RYR2: variants seen among roughly 807,000 people sequenced by gnomAD.
RYR2 encodes the protein ryanodine receptor 2, also known as cardiac muscle ryanodine receptor-calcium release channel.
In RYR2, 227 loss-of-function variants were observed where a neutral mutation model predicts 601.1. That is an observed-to-expected ratio of 0.38 (90% CI 0.34 to 0.42). The LOEUF (loss-of-function observed/expected upper bound fraction) is 0.42. RYR2 is among the 10% of genes least tolerant of loss of function. RYR2 has a pLI of 1.00. For synonymous variants in RYR2, 2,223 were observed against 2,175.1 expected (o/e 1.02, Z -0.61); for missense variants, 4,646 against 6,156.5 (o/e 0.75, Z 8.21).
At chr1:237,427,201 A>G (rs1266036308) in intron 12 of RYR2, among the ~76,000 whole-genome samples, 1 of 152,218 alleles carries the variant, frequency 6.6e-6, no homozygotes, top group Non-Finnish European at 1.5e-5. Flanking sequence ...CTAAAGAGTC[A>G]GAGACATAAA....
At chr1:237,234,883 A>ATT (rs1014101435) in intron 1 of RYR2, among the ~76,000 whole-genome samples, 1 of 146,722 alleles carries the variant, frequency 6.8e-6, no homozygotes, top group African/African-American at 2.5e-5. Flanking sequence ...CAGTTTTGTG[A>ATT]TTTTTTTTTT....
chr1:237,509,061 G>A (rs2150531227), intron 23 of RYR2, among the ~76,000 whole-genome samples: 1 of 152,230 alleles, frequency 6.6e-6, no homozygotes, highest in Non-Finnish European at 1.5e-5. Context: ...AAATATTAAA[G>A]GATAATACAG....
At chr1:237,785,149 TATTAA>T in intron 90 of RYR2, 177 bp downstream of exon 90, 1 of 625,930 alleles carries the variant, frequency 1.6e-6, no homozygotes, top group South Asian at 1.9e-5. Flanking sequence ...CCTTATGAAT[TATTAA>T]ATTATCTTAA....
chr1:237,469,386 T>A (rs1660461190), intron 17 of RYR2, among the ~76,000 whole-genome samples, 199 bp downstream of exon 17: 1 of 151,722 alleles, frequency 6.6e-6, no homozygotes, highest in Admixed American at 6.6e-5. Context: ...TGCACTATGG[T>A]CACTGCACTC....
At chr1:237,592,564 CAG>C (rs1391827487) in intron 32 of RYR2, among the ~76,000 whole-genome samples, 3 of 150,016 alleles carry the variant, frequency 2.0e-5, no homozygotes, top group African/African-American at 7.4e-5. Context: ...ACCCAGGAGA[CAG>C]AGGTTGCAGT....
intron 10 of RYR2, 84 bp downstream of exon 10, chr1:237,388,267 G>A: frequency 9.1e-7 from 1 of 1,103,360 alleles, no homozygotes; most frequent in East Asian, 2.6e-5. Context: ...TATTCATTCA[G>A]GCCAGTAGCA....
intron 56 of RYR2, among the ~76,000 whole-genome samples, chr1:237,666,188 T>G (rs1684312316): frequency 1.3e-5 from 2 of 152,198 alleles, no homozygotes; most frequent in Admixed American, 6.5e-5. Context: ...TAAATTTCAT[T>G]GCAGCCAATT....
chr1:237,687,622 G>T, intron 63 of RYR2, 118 bp downstream of exon 63: 1 of 770,822 alleles, frequency 1.3e-6, no homozygotes, highest in South Asian at 1.5e-5. Context: ...CTGCATGCAT[G>T]GTCGTTGCAG....
chr1:237,787,115 T>C (rs1657684811), intron 91 of RYR2, among the ~76,000 whole-genome samples: 2 of 152,126 alleles, frequency 1.3e-5, no homozygotes, highest in Non-Finnish European at 2.9e-5. Context: ...CAAATGTCAA[T>C]TCTTCTAATT....
intron 25 of RYR2, among the ~76,000 whole-genome samples, chr1:237,531,199 A>T (rs911801981): frequency 1.3e-5 from 2 of 152,182 alleles, no homozygotes; most frequent in African/African-American, 4.8e-5. Context: ...AGGATTAATT[A>T]TGAAGTCAGC....
chr1:237,254,062 A>G (rs536161516), intron 1 of RYR2, among the ~76,000 whole-genome samples: 1 of 152,322 alleles, frequency 6.6e-6, no homozygotes, highest in East Asian at 1.9e-4. Flanking sequence ...GAAATTGGGG[A>G]GATACATGTC....
At chr1:237,212,653 A>G (rs940874980) in intron 1 of RYR2, among the ~76,000 whole-genome samples, 1 of 152,220 alleles carries the variant, frequency 6.6e-6, no homozygotes, top group African/African-American at 2.4e-5. Flanking sequence ...ATTAAAAGGC[A>G]TGCACATTTT....
At chr1:237,741,317 C>G (rs1171042693) in intron 79 of RYR2, among the ~76,000 whole-genome samples, 4 of 152,116 alleles carry the variant, frequency 2.6e-5, no homozygotes, top group Non-Finnish European at 4.4e-5. Context: ...CCCAGTTCAT[C>G]TCCATGCCCA....
chr1:237,068,261 G>A (rs1445881838), intron 1 of RYR2, among the ~76,000 whole-genome samples: 1 of 152,090 alleles, frequency 6.6e-6, no homozygotes, highest in Non-Finnish European at 1.5e-5. Flanking sequence ...GAGGACATTG[G>A]TGGGGTTATC....
At chr1:237,184,995 G>A (rs1040439312) in intron 1 of RYR2, among the ~76,000 whole-genome samples, 4 of 150,904 alleles carry the variant, frequency 2.7e-5, no homozygotes, top group Non-Finnish European at 4.4e-5. Flanking sequence ...TCAGCCTTCC[G>A]AACAGCTGGG....
chr1:237,174,205 A>T (rs367637803), intron 1 of RYR2, among the ~76,000 whole-genome samples: 1 of 152,354 alleles, frequency 6.6e-6, no homozygotes, highest in East Asian at 1.9e-4. Flanking sequence ...TTTAAACAGA[A>T]GGTGTATAGT....
intron 53 of RYR2, 101 bp downstream of exon 53, chr1:237,656,085 C>G: frequency 9.8e-7 from 1 of 1,023,310 alleles, no homozygotes; most frequent in Non-Finnish European, 1.4e-6. Context: ...TACATGCCCC[C>G]TTTGAATTGG....
chr1:237,806,134 T>C lies in RYR2; in HGVS notation c.14152-3T>C, dbSNP rs376797615. 23 of 1,613,272 alleles carry C rather than the reference T, an allele frequency of 1.4e-5. No homozygotes were observed. Among genetic ancestry groups the C allele is most frequent in the East Asian group, 4.5e-5 (2 of 44,866 alleles). On this transcript the variant is annotated splice_region_variant and splice_polypyrimidine_tract_variant and intron_variant, in intron 98 of 104. Coordinates refer to ENST00000366574, the MANE Select transcript of RYR2 (RefSeq NM_001035.3). ...GTTCTTTCCCCCCGTTTTGTCTTAA[T>C]AGTCCTTCCTCTACCTAGCCTGGTA...
chr1:237,516,757 ACCTTTGACTCTTC>A (rs992597610), intron 24 of RYR2, among the ~76,000 whole-genome samples: 1 of 152,020 alleles, frequency 6.6e-6, no homozygotes, highest in African/African-American at 2.4e-5. Context: ...CCTGGGAATC[ACCTTTGACTCTTC>A]CCTTTGTTTC....
Sources: allele counts gnomAD v4.1 joint callset (sites outside exome capture counted in the v4.1 genomes callset), GRCh38; gene constraint gnomAD v4.1.1; transcripts MANE v1.5; gene names NCBI Gene and HGNC (gene_info 2026-07-23, HGNC 2026-07-21).